Variants in PXK observed in about 807,000 individuals in gnomAD.
The protein encoded by PXK is PX domain-containing protein kinase-like protein.
In PXK, 35 loss-of-function variants were observed where a neutral mutation model predicts 84.7. The observed-to-expected ratio is 0.41, with a 90% confidence interval of 0.32 to 0.55. PXK has a LOEUF of 0.55. Among genes scored for constraint, PXK ranks in the 20% least tolerant of loss-of-function variants. The pLI, the probability that PXK is intolerant of heterozygous loss-of-function variation, is 0.21. For missense variants in PXK, 634 were observed against 699.7 expected, an observed-to-expected ratio of 0.91 and a Z score of 1.06; for synonymous variants, 253 against 260.8, an observed-to-expected ratio of 0.97 and a Z score of 0.29.
intron 7 of PXK, among the ~76,000 whole-genome samples, chr3:58,393,273 G>A (rs1160418057): frequency 1.3e-5 from 2 of 151,988 alleles, no homozygotes; most frequent in Non-Finnish European, 2.9e-5. Flanking sequence ...GCGTGAACCC[G>A]GGAGGCGGAG....
chr3:58,350,922 C>A lies in PXK; in HGVS notation c.103-14952C>A, dbSNP rs546621619. Among the ~76,000 whole-genome samples the A allele has an allele frequency of 6.5e-4, 99 of 152,068 alleles. 3 individuals carry two copies. The highest frequency in any genetic ancestry group is 7.4e-5 in the Non-Finnish European group (5 of 68,014). On this transcript the variant is annotated intron_variant, in intron 1 of 17. Coordinates refer to ENST00000356151, the MANE Select transcript of PXK (RefSeq NM_017771.5). Reference sequence around the variant, plus strand: ...TGTACGTTATCCTAAGTGATGGTGACCATTATTAAAACCAGTAGGGACTTC... The same window carrying A: ...TGTACGTTATCCTAAGTGATGGTGAACATTATTAAAACCAGTAGGGACTTC...
intron 3 of PXK, among the ~76,000 whole-genome samples, chr3:58,371,999 T>A (rs898284751): frequency 1.3e-5 from 2 of 152,134 alleles, no homozygotes; most frequent in Non-Finnish European, 2.9e-5. Flanking sequence ...TTTTGACAGA[T>A]AAATGAGTTC....
Position 58,411,330 on chromosome 3 carries a change from A to G in PXK, c.1465+1171A>G, listed in dbSNP as rs1374551996. 6.6e-6 allele frequency among the ~76,000 whole-genome samples: 1 copy of G among 152,216 alleles called. No homozygotes were observed. Among genetic ancestry groups the G allele is most frequent in the Non-Finnish European group, 1.5e-5 (1 of 68,030 alleles). ...ACTCCAGAAGGAGAGTGAGAGTCAC[A>G]TTGACACCACTGCAGAGTCCAGACT... On this transcript the variant is annotated intron_variant, in intron 16 of 17. Coordinates refer to ENST00000356151, the MANE Select transcript of PXK (RefSeq NM_017771.5). The surrounding 1 kb of genome is among the most constrained non-coding windows in gnomAD (Gnocchi z 4.2).
At chr3:58,334,833 T>TAAAATG (rs1393952691) in intron 1 of PXK, among the ~76,000 whole-genome samples, 1 of 152,214 alleles carries the variant, frequency 6.6e-6, no homozygotes, top group African/African-American at 2.4e-5. Context: ...TCTGTTTATG[T>TAAAATG]AAAATGGTAA....
At chr3:58,424,422 C>G (rs1006593987) in intron 17 of PXK, among the ~76,000 whole-genome samples, 2 of 152,178 alleles carry the variant, frequency 1.3e-5, no homozygotes, top group African/African-American at 4.8e-5. Flanking sequence ...ATAGATGGAA[C>G]TCTTCTTTGG....
At chr3:58,335,416 G>T (rs890016958) in intron 1 of PXK, among the ~76,000 whole-genome samples, 1 of 152,138 alleles carries the variant, frequency 6.6e-6, no homozygotes, top group Admixed American at 6.5e-5. Flanking sequence ...AAAATCTTAC[G>T]CTGATGCAAA....
At position 58,419,709 on chromosome 3, in the gene PXK, T is replaced by C. The variant is rs563176739; in HGVS notation, c.1529-5043T>C. ...TTCTCTGGCTAGCCTTGGGGAACAA[T>C]GGTACTGAGAAGGCTGGAGGGCCTC... On this transcript the variant is annotated intron_variant, in intron 17 of 17. Coordinates refer to ENST00000356151, the MANE Select transcript of PXK (RefSeq NM_017771.5). 1.3e-4 allele frequency among the ~76,000 whole-genome samples: 20 copies of C among 152,326 alleles called. No individual in the cohort carries two copies. The South Asian group carries it at 4.1e-3, about 32-fold the overall frequency.
intron 17 of PXK, chr3:58,422,196 C>A (rs555626566): frequency 2.0e-6 from 2 of 985,464 alleles, no homozygotes; most frequent in Non-Finnish European, 2.4e-6. Flanking sequence ...ATCAATGGGG[C>A]AGACTGAGTG....
chr3:58,423,493 AG>A, intron 17 of PXK: 1 of 1,534,484 alleles, frequency 6.5e-7, no homozygotes, highest in South Asian at 1.2e-5. Context: ...ATGTAAAGAA[AG>A]GTAAGTGATT....
chr3:58,395,147 T>A, intron 8 of PXK, 45 bp downstream of exon 8: 1 of 1,382,604 alleles, frequency 7.2e-7, no homozygotes, highest in Non-Finnish European at 1.0e-6. Context: ...CAAGTTCCTT[T>A]AGAACCTGTT....
intron 3 of PXK, among the ~76,000 whole-genome samples, chr3:58,371,743 G>A (rs756291390): frequency 2.0e-5 from 3 of 152,070 alleles, no homozygotes; most frequent in Non-Finnish European, 4.4e-5. Flanking sequence ...TTAAAATGGG[G>A]ACTTTCAATG....
chr3:58,358,653 A>G (rs950046298), intron 1 of PXK, among the ~76,000 whole-genome samples: 1 of 152,156 alleles, frequency 6.6e-6, no homozygotes, highest in Non-Finnish European at 1.5e-5. Context: ...TGTGCATTAC[A>G]GGACATTTAG....
chr3:58,399,341 A>G lies in PXK; in HGVS notation c.1145A>G (p.Asn382Ser). 3.1e-6 allele frequency: 5 copies of G among 1,614,148 alleles called. No individual in the cohort carries two copies. The highest frequency in any genetic ancestry group is 2.2e-5 in the East Asian group (1 of 44,890). ...ACGCTGTCTTGTGAAGCCTGTAAAAATGGCATGCCTACCATCTCCCGGCTC... is the reference window on the plus strand; with the variant it reads ...ACGCTGTCTTGTGAAGCCTGTAAAAGTGGCATGCCTACCATCTCCCGGCTC... Reference protein sequence around the residue: ...ESTLSCEACKNGMPTISRLLQ... With the variant: ...ESTLSCEACKSGMPTISRLLQ... Residue 382 changes from asparagine (N) to serine (S), a missense_variant, in exon 12 of 18, where the codon AAT (asparagine) becomes AGT (serine). Asn to Ser is a conservative substitution (Grantham distance 46). This residue lies in a region of PXK where 273 missense variants were observed against 283.6 expected (regional missense o/e 0.96). Transcript: ENST00000356151. The surrounding 1 kb of genome is among the most constrained non-coding windows in gnomAD (Gnocchi z 4.3).
intron 6 of PXK, 83 bp from the exon 7 acceptor site, chr3:58,391,690 G>C (rs1023381585): frequency 1.2e-5 from 15 of 1,246,864 alleles, no homozygotes; most frequent in Non-Finnish European, 1.8e-5. Flanking sequence ...TCATATTTTG[G>C]ATAATAAAAT....
intron 1 of PXK, among the ~76,000 whole-genome samples, chr3:58,351,413 G>A (rs932307778): frequency 1.8e-4 from 27 of 151,168 alleles, no homozygotes; most frequent in African/African-American, 6.3e-4. Context: ...GTGTGTGTGT[G>A]TGTGTGTGTG....
rs201711018 is a variant in PXK, at chr3:58,381,561, A to AAG, written c.202-952_202-951insGA. Among the ~76,000 whole-genome samples, 1,205 of 151,248 alleles carry AAG rather than the reference A, an allele frequency of 8.0e-3. 22 individuals are homozygous for AAG. Among genetic ancestry groups the AAG allele is most frequent in the African/African-American group, 0.028 (1,155 of 41,218 alleles). ...TTCAAGTTGAATAGAAAACCAAAAAAAAAAAAAAAAAAGACTACAAGTTGC... is the reference window on the plus strand; with the variant it reads ...TTCAAGTTGAATAGAAAACCAAAAAAAGAAAAAAAAAAAAGACTACAAGTTGC... On this transcript the variant is annotated intron_variant, in intron 3 of 17. Coordinates refer to ENST00000356151, the MANE Select transcript of PXK (RefSeq NM_017771.5).
chr3:58,399,199 C>T lies in PXK; in HGVS notation c.1103-100C>T, dbSNP rs2058187085. 1 of 1,010,538 alleles carries T rather than the reference C, an allele frequency of 9.9e-7. No homozygotes were observed. The highest frequency in any genetic ancestry group is 1.5e-6 in the Non-Finnish European group (1 of 645,832). 62.6% of individuals were successfully genotyped at this position (1,010,538 alleles called of 1,614,324 possible). A position where few individuals can be genotyped will look rare whatever the true frequency, so the allele number is the denominator to read the frequency against. On this transcript the variant is annotated intron_variant, in intron 11 of 17. Transcript: ENST00000356151. This position sits in a 1 kb window ranked among gnomAD's most constrained non-coding sequence, Gnocchi z 4.3. ...AGATTTTTGACACTGTCCTGATCAG[C>T]CCGCAGACAGTTATTGCAAAGTGGT...
At position 58,412,952 on chromosome 3, in the gene PXK, C is replaced by T. The variant is rs1380084100; in HGVS notation, c.1517C>T (p.Pro506Leu). 28 of 1,614,024 alleles carry T rather than the reference C, an allele frequency of 1.7e-5. No individual in the cohort carries two copies. The highest frequency in any genetic ancestry group is 2.4e-5 in the Non-Finnish European group (28 of 1,180,014). Residue 506 changes from proline (P) to leucine (L), a missense_variant, in exon 17 of 18, where the codon CCC becomes CTC. This residue lies in a region of PXK where 273 missense variants were observed against 283.6 expected (regional missense o/e 0.96). Transcript: ENST00000356151. The surrounding 1 kb of genome is among the most constrained non-coding windows in gnomAD (Gnocchi z 6.2). Reference sequence around the variant, plus strand: ...ACGTCCCCGTCATCGCCAACTCCACCCTCTACATCAGGTTAGTGATGGAGT... The same window carrying T: ...ACGTCCCCGTCATCGCCAACTCCACTCTCTACATCAGGTTAGTGATGGAGT... ...PLTSPSSPTP[P>L]STSGISALPP...
intron 7 of PXK, among the ~76,000 whole-genome samples, chr3:58,394,429 G>A (rs766167944): frequency 6.6e-6 from 1 of 152,162 alleles, no homozygotes; most frequent in Admixed American, 6.6e-5. Context: ...TCTATAGAAG[G>A]GTAGGAAGAT....
Sources: allele counts gnomAD v4.1 joint callset (sites outside exome capture counted in the v4.1 genomes callset), GRCh38; gene constraint gnomAD v4.1.1; regional missense constraint gnomAD v4.1.1; non-coding constraint Gnocchi (gnomAD v3.1); transcripts MANE v1.5; gene names NCBI Gene and HGNC (gene_info 2026-07-23, HGNC 2026-07-21).